GYS2: variants seen among roughly 807,000 people sequenced by gnomAD.
The protein encoded by GYS2 is glycogen synthase 2.
A neutral mutation model predicts 85.6 loss-of-function variants in GYS2; 80 were observed. The ratio of observed to expected loss-of-function variants is 0.93; its 90% confidence interval spans 0.78 to 1.13. The LOEUF is 1.13. GYS2 is among the 50% of genes most tolerant of loss of function. The probability of loss-of-function intolerance (pLI) is 0.00; values close to 1 mark genes in which losing one functional copy is unlikely to be tolerated. For synonymous variants in GYS2, 328 were observed against 300.7 expected (o/e 1.09, Z -0.94); for missense variants, 881 against 854.9 (o/e 1.03, Z -0.38).
At chr12:21,541,376 A>G (rs796278269) in intron 13 of GYS2, among the ~76,000 whole-genome samples, 12 of 151,738 alleles carry the variant, frequency 7.9e-5, no homozygotes, top group African/African-American at 2.2e-4. Context: ...ATGAACAGAC[A>G]GATAATGGTA....
chr12:21,547,511 G>A lies in GYS2; in HGVS notation c.1423-1041C>T, dbSNP rs552456096. Among the ~76,000 whole-genome samples the A allele has an allele frequency of 3.3e-5, 5 of 152,254 alleles. No homozygotes were observed. The South Asian group carries it at 1.0e-3, about 32-fold the overall frequency. ...AAATGCATACTACTAAGTGAAAGAA[G>A]CTCATCTGAAAATACTACATGATGT... is the stretch of plus-strand genomic sequence containing the variant. On this transcript the variant is annotated intron_variant, in intron 11 of 15. Coordinates refer to ENST00000261195, the MANE Select transcript of GYS2 (RefSeq NM_021957.4).
rs768571161 is a variant in GYS2, at chr12:21,568,852, G to A, written c.823+13C>T. ...CGGAACTGAAAGATAGGTGATCCAG[G>A]GATAATAATTACCAGGCTTTCTCTT... is the stretch of plus-strand genomic sequence containing the variant. On this transcript the variant is annotated intron_variant, in intron 5 of 15. Coordinates refer to ENST00000261195, the MANE Select transcript of GYS2 (RefSeq NM_021957.4). The A allele has an allele frequency of 5.6e-6, 9 of 1,606,702 alleles. No homozygotes were observed. In the East Asian group the frequency reaches 1.6e-4, roughly 28 times the overall value.
At position 21,539,313 on chromosome 12, in the gene GYS2, G is replaced by A. The variant is rs1281130207; in HGVS notation, c.1835C>T (p.Thr612Ile). ...TTTATCTGGAAAAGCTCTGCTTAATGTCAGGTGTCTGGCATGCTGGTAATA... is the reference window on the plus strand; with the variant it reads ...TTTATCTGGAAAAGCTCTGCTTAATATCAGGTGTCTGGCATGCTGGTAATA... Reference protein sequence around the residue: ...GRYYQHARHLTLSRAFPDKFH... With the variant: ...GRYYQHARHLILSRAFPDKFH... The change falls in exon 15 of 16, where the codon ACA becomes ATA. Residue 612 changes from threonine (T) to isoleucine (I), a missense_variant. Thr to Ile is a moderately conservative substitution (Grantham distance 89). Coordinates refer to ENST00000261195, the MANE Select transcript of GYS2 (RefSeq NM_021957.4). 3 of 1,604,486 alleles carry A rather than the reference G, an allele frequency of 1.9e-6. No homozygotes were observed. Among genetic ancestry groups the A allele is most frequent in the Non-Finnish European group, 8.5e-7 (1 of 1,171,470 alleles).
Position 21,558,199 on chromosome 12 carries a change from C to G in GYS2, c.1422+1G>C, listed in dbSNP as rs1230924257. Reference sequence around the variant, plus strand: ...TTCGCCACATGAACAATTTGTTCTACCTTGACTCTATCTGTGCGGTTGTTG... The same window carrying G: ...TTCGCCACATGAACAATTTGTTCTAGCTTGACTCTATCTGTGCGGTTGTTG... On this transcript the variant is annotated splice_donor_variant, in intron 11 of 15. Coordinates refer to ENST00000261195, the MANE Select transcript of GYS2 (RefSeq NM_021957.4). LOFTEE classifies it high-confidence loss of function. 2 of 1,564,840 alleles carry G rather than the reference C, an allele frequency of 1.3e-6. No homozygotes were observed. The highest frequency in any genetic ancestry group is 1.8e-6 in the Non-Finnish European group (2 of 1,135,164).
chr12:21,578,136 A>G (rs1025929437), intron 2 of GYS2, among the ~76,000 whole-genome samples: 2 of 152,014 alleles, frequency 1.3e-5, no homozygotes, highest in African/African-American at 4.8e-5. Flanking sequence ...TTGTACTTCC[A>G]TTTCTGTCAC....
intron 9 of GYS2, 65 bp from the exon 10 acceptor site, chr12:21,559,234 C>T: frequency 6.2e-6 from 5 of 803,272 alleles, no homozygotes; most frequent in Non-Finnish European, 8.7e-6. Context: ...GATTCCTAAG[C>T]ATCAGATTAT....
intron 11 of GYS2, among the ~76,000 whole-genome samples, chr12:21,549,255 C>G (rs1213836612): frequency 1.3e-5 from 2 of 152,078 alleles, no homozygotes; most frequent in African/African-American, 4.8e-5. Context: ...CTCACCCATA[C>G]CTAAGGGGTT....
chr12:21,601,951 T>A (rs1944760272), intron 1 of GYS2, among the ~76,000 whole-genome samples: 2 of 152,164 alleles, frequency 1.3e-5, no homozygotes, highest in African/African-American at 4.8e-5. Flanking sequence ...CAAAACTAAC[T>A]GTGACTCTCT....
At chr12:21,542,425 G>T in intron 13 of GYS2, 71 bp downstream of exon 13, 1 of 901,722 alleles carries the variant, frequency 1.1e-6, no homozygotes, top group Non-Finnish European at 1.9e-6. Context: ...GTTAGGCTCT[G>T]TAAAGACCCT....
intron 4 of GYS2, 121 bp downstream of exon 4, chr12:21,574,023 T>A: frequency 2.6e-6 from 2 of 777,586 alleles, no homozygotes; most frequent in South Asian, 3.0e-5. Context: ...GAATATTGAT[T>A]AGCTAAAAGG....
chr12:21,565,111 A>G (rs1944302091), intron 5 of GYS2, among the ~76,000 whole-genome samples: 2 of 152,112 alleles, frequency 1.3e-5, no homozygotes, highest in South Asian at 4.1e-4. Context: ...TTGTCTGTTC[A>G]TTAGCCTAAA....
chr12:21,553,181 C>G (rs1031301628), intron 11 of GYS2, among the ~76,000 whole-genome samples: 1 of 152,206 alleles, frequency 6.6e-6, no homozygotes, highest in Admixed American at 6.5e-5. Context: ...TTCTGAGTAA[C>G]TGGGATTACA....
At chr12:21,584,645 G>A (rs1944552863) in intron 1 of GYS2, among the ~76,000 whole-genome samples, 1 of 152,168 alleles carries the variant, frequency 6.6e-6, no homozygotes, top group South Asian at 2.1e-4. Context: ...CATTCCTCGG[G>A]GTGATCAGCC....
rs143007883 is a variant in GYS2 at position 21,600,797 on chromosome 12, G to A, written c.121+3675C>T. ...CCTCACCTTTAGAACTCCTGTCCTA[G>A]AAGAGTGGACTCATTATTATAATTT... On this transcript the variant is annotated intron_variant, in intron 1 of 15. Coordinates refer to ENST00000261195, the MANE Select transcript of GYS2 (RefSeq NM_021957.4). Among the ~76,000 whole-genome samples the A allele has an allele frequency of 6.0e-3, 906 of 152,216 alleles. 9 individuals carry two copies. Among genetic ancestry groups the A allele is most frequent in the Admixed American group, 0.011 (163 of 15,274 alleles).
intron 2 of GYS2, among the ~76,000 whole-genome samples, chr12:21,579,181 C>T (rs904243138): frequency 2.0e-5 from 3 of 152,096 alleles, no homozygotes; most frequent in African/African-American, 4.8e-5. Flanking sequence ...CTTGACATCA[C>T]GATTCCTGTT....
chr12:21,552,662 T>C (rs1385039387), intron 11 of GYS2, among the ~76,000 whole-genome samples: 7 of 152,212 alleles, frequency 4.6e-5, no homozygotes, highest in Non-Finnish European at 1.0e-4. Context: ...TAAATGAGCA[T>C]CTCAAAATAT....
chr12:21,551,651 A>G (rs1944112392), intron 11 of GYS2, among the ~76,000 whole-genome samples: 1 of 152,210 alleles, frequency 6.6e-6, no homozygotes, highest in Non-Finnish European at 1.5e-5. Context: ...ATAAAATGAT[A>G]TGCAAACCCC....
Position 21,604,815 on chromosome 12 carries a change from A to G in GYS2, c.-223T>C. The G allele has an allele frequency of 7.6e-7, 1 of 1,315,568 alleles. No individual in the cohort carries two copies. The highest frequency in any genetic ancestry group is 3.0e-5 in the Admixed American group (1 of 33,108). The allele number at this position is 1,315,568 out of a possible 1,614,324, so 81.5% of individuals were successfully genotyped here. On this transcript the variant is annotated 5_prime_UTR_variant, in exon 1 of 16. Transcript: ENST00000261195. ...CTCTTTCTCGTCTTTCTGGGCAGGT[A>G]TTGTGAGGACGGTATCTGCCCTGTC... is the stretch of plus-strand genomic sequence containing the variant.
intron 5 of GYS2, among the ~76,000 whole-genome samples, chr12:21,566,452 A>C (rs1033131715): frequency 2.0e-5 from 3 of 152,044 alleles, no homozygotes; most frequent in Admixed American, 6.6e-5. Context: ...GAGATTTCAC[A>C]ATTTCCATCA....
Sources: gnomAD v4.1 joint callset for allele counts (sites outside exome capture counted in the v4.1 genomes callset) on GRCh38, gnomAD v4.1.1 for gene constraint, MANE v1.5 for transcripts, NCBI Gene and HGNC (gene_info 2026-07-23, HGNC 2026-07-21) for gene names.